The following PTPRK variants were observed in gnomAD, a reference collection of about 807,000 sequenced individuals.
PTPRK encodes the protein protein tyrosine phosphatase receptor type K.
Under a neutral mutation model 178.0 loss-of-function variants are expected in PTPRK, and 75 were observed. The ratio of observed to expected loss-of-function variants is 0.42; its 90% CI spans 0.35 to 0.51. PTPRK has a LOEUF of 0.51. PTPRK is among the 20% of genes least tolerant of loss of function. The pLI is 0.02. For missense variants in PTPRK, 1,441 were observed against 1,797.8 expected (o/e 0.80, Z 3.59); for synonymous variants, 637 against 620.6 (o/e 1.03, Z -0.39).
intron 15 of PTPRK, among the ~76,000 whole-genome samples, chr6:128,003,572 A>G (rs1310131646): frequency 6.6e-6 from 1 of 151,780 alleles, no homozygotes; most frequent in Admixed American, 6.6e-5. Flanking sequence ...ATTCCAAATA[A>G]TTTTTTTCAG....
chr6:128,340,330 T>C (rs1312461668), intron 2 of PTPRK, among the ~76,000 whole-genome samples: 4 of 152,188 alleles, frequency 2.6e-5, no homozygotes, highest in Middle Eastern at 3.2e-3. Flanking sequence ...TTCAAGACTT[T>C]CTCTGTTGAT....
intron 7 of PTPRK, among the ~76,000 whole-genome samples, chr6:128,128,439 G>A (rs1341394416): frequency 6.6e-6 from 1 of 152,056 alleles, no homozygotes; most frequent in Non-Finnish European, 1.5e-5. Flanking sequence ...TATCCAAATT[G>A]CCCTTCAAAT....
chr6:128,354,270 C>T (rs1248208733), intron 2 of PTPRK, among the ~76,000 whole-genome samples: 2 of 64,500 alleles, frequency 3.1e-5, no homozygotes, highest in South Asian at 4.9e-4. Context: ...CTGAGTCTCA[C>T]TCTGTCGCCC....
At chr6:128,060,801 T>C (rs1780676534) in intron 13 of PTPRK, among the ~76,000 whole-genome samples, 1 of 152,178 alleles carries the variant, frequency 6.6e-6, no homozygotes, top group Non-Finnish European at 1.5e-5. Flanking sequence ...GCAAAAGTAT[T>C]CTATATTAGA....
intron 3 of PTPRK, among the ~76,000 whole-genome samples, chr6:128,307,152 G>GAAAA (rs199552590): frequency 0.033 from 3,828 of 117,564 alleles, 89 homozygotes; most frequent in African/African-American, 0.085. Flanking sequence ...GAGCTCAGAA[G>GAAAA]AAAAAAAAAT....
intron 2 of PTPRK, among the ~76,000 whole-genome samples, chr6:128,386,074 A>C (rs1838674052): frequency 6.6e-6 from 1 of 152,042 alleles, no homozygotes; most frequent in African/African-American, 2.4e-5. Context: ...AAAGCTTTTT[A>C]TTTATCTTGA....
At chr6:128,505,532 G>A (rs916336700) in intron 1 of PTPRK, among the ~76,000 whole-genome samples, 3 of 152,088 alleles carry the variant, frequency 2.0e-5, no homozygotes, top group Non-Finnish European at 4.4e-5. Flanking sequence ...AGAAGACCTA[G>A]GTTAGTAGGA....
At chr6:128,313,274 T>A (rs923045937) in intron 3 of PTPRK, among the ~76,000 whole-genome samples, 4 of 152,186 alleles carry the variant, frequency 2.6e-5, no homozygotes, top group Admixed American at 1.3e-4. Context: ...ATGATTTTTT[T>A]AAAATTTGTA....
At chr6:128,005,854 CT>C (rs1327453521) in intron 14 of PTPRK, among the ~76,000 whole-genome samples, 1 of 149,128 alleles carries the variant, frequency 6.7e-6, no homozygotes, top group Non-Finnish European at 1.5e-5. Flanking sequence ...TACAATATCC[CT>C]TTTTAAAAAG....
Position 127,973,800 on chromosome 6 carries a change from G to C in PTPRK, c.3997C>G (p.Gln1333Glu). ...RPQEGYLMVQ[Q>E]FQYLGWASHR... Reference sequence around the variant, plus strand: ...GAAGCCCATCCTAGGTACTGAAACTGTTGCACCATCAGATAACCTTCCTGT... The same window carrying C: ...GAAGCCCATCCTAGGTACTGAAACTCTTGCACCATCAGATAACCTTCCTGT... Residue 1333 changes from glutamine (Q) to glutamate (E), a missense_variant, in exon 28 of 30, where the codon CAG becomes GAG. By Grantham distance (29) the Gln-to-Glu change is conservative (BLOSUM62 2). This residue lies in a region of PTPRK where 335 missense variants were observed against 512.4 expected (regional missense o/e 0.65). Transcript: ENST00000368226. 1 of 1,613,626 alleles carries C rather than the reference G, an allele frequency of 6.2e-7. No homozygotes were observed.
intron 3 of PTPRK, among the ~76,000 whole-genome samples, chr6:128,296,279 C>A (rs997255945): frequency 6.6e-6 from 1 of 152,074 alleles, no homozygotes; most frequent in African/African-American, 2.4e-5. Flanking sequence ...TTCTTCACAT[C>A]TTTGCTCAAA....
chr6:128,181,731 G>C (rs1801942000), intron 7 of PTPRK, among the ~76,000 whole-genome samples: 1 of 152,076 alleles, frequency 6.6e-6, no homozygotes, highest in Non-Finnish European at 1.5e-5. Context: ...AGTGGTATTG[G>C]TAATTTCAAG....
intron 15 of PTPRK, 134 bp from the exon 16 acceptor site, chr6:127,999,038 A>C: frequency 1.3e-6 from 1 of 771,742 alleles, no homozygotes; most frequent in African/African-American, 1.8e-5. Context: ...AAGAAATATC[A>C]TACAGTATAG....
chr6:128,329,235 T>C (rs996600985), intron 2 of PTPRK, among the ~76,000 whole-genome samples: 8 of 152,270 alleles, frequency 5.3e-5, no homozygotes, highest in Admixed American at 2.0e-4. Flanking sequence ...GGTATAAAGA[T>C]GTACTCTATA....
At chr6:128,218,430 T>C (rs998090170) in intron 6 of PTPRK, among the ~76,000 whole-genome samples, 10 of 152,222 alleles carry the variant, frequency 6.6e-5, no homozygotes, top group Admixed American at 3.9e-4. Context: ...GAGGACTGTT[T>C]GGTAGTTCTA....
chr6:128,163,911 A>C (rs146956491), intron 7 of PTPRK, among the ~76,000 whole-genome samples: 1,752 of 151,582 alleles, frequency 0.012, 21 homozygotes, highest in Middle Eastern at 0.034. Context: ...GGAAATGCTA[A>C]ATTAGAGAGT....
At chr6:128,405,629 T>C (rs1841562616) in intron 1 of PTPRK, among the ~76,000 whole-genome samples, 1 of 152,192 alleles carries the variant, frequency 6.6e-6, no homozygotes, top group African/African-American at 2.4e-5. Flanking sequence ...TTGTTTTGTT[T>C]TGTTTTGTTT....
intron 1 of PTPRK, among the ~76,000 whole-genome samples, chr6:128,400,368 T>C (rs917660981): frequency 6.6e-6 from 1 of 152,142 alleles, no homozygotes; most frequent in Non-Finnish European, 1.5e-5. Flanking sequence ...GAACATCATA[T>C]GTTGTGAAAT....
intron 7 of PTPRK, among the ~76,000 whole-genome samples, chr6:128,150,953 C>T (rs1242333086): frequency 6.6e-6 from 1 of 152,024 alleles, no homozygotes; most frequent in Admixed American, 6.6e-5. Context: ...TTTAAAATGT[C>T]AGTTATTATT....
Sources: gnomAD v4.1 joint callset for allele counts (sites outside exome capture counted in the v4.1 genomes callset) on GRCh38, gnomAD v4.1.1 for gene constraint, gnomAD v4.1.1 regional missense constraint, MANE v1.5 for transcripts, NCBI Gene and HGNC (gene_info 2026-07-23, HGNC 2026-07-21) for gene names.